Variants in CCNY observed in about 807,000 individuals in gnomAD.
The protein encoded by CCNY is cyclin Y.
In CCNY, 19 loss-of-function variants were observed where a neutral mutation model predicts 42.8. The ratio of observed to expected loss-of-function variants is 0.44; its 90% confidence interval spans 0.31 to 0.65. The LOEUF (loss-of-function observed/expected upper bound fraction) is 0.65. Ranked by LOEUF, CCNY falls within the 30% of genes least tolerant of loss-of-function variation. The pLI is 0.07. For synonymous variants in CCNY, 165 were observed against 162.7 expected, an observed-to-expected ratio of 1.01 and a Z score of -0.11; for missense variants, 370 against 437.3, an observed-to-expected ratio of 0.85 and a Z score of 1.37.
intron 3 of CCNY, among the ~76,000 whole-genome samples, chr10:35,296,059 A>G (rs969008822): frequency 7.9e-5 from 12 of 152,204 alleles, no homozygotes; most frequent in Non-Finnish European, 1.5e-5. Context: ...ATAGCACTAA[A>G]CGTCCACATC....
At chr10:35,335,632 TC>T (rs974384405), upstream of CCNY, among the ~76,000 whole-genome samples, 2 of 151,848 alleles carry the variant, frequency 1.3e-5, no homozygotes, top group African/African-American at 2.4e-5. Flanking sequence ...ACGGGAGGAT[TC>T]CTTGAAGACA....
Position 35,328,115 on chromosome 10 carries a change from A to G in CCNY, c.-9+77489A>G, listed in dbSNP as rs1835900046. Among the ~76,000 whole-genome samples, 3 of 152,230 alleles carry G rather than the reference A, an allele frequency of 2.0e-5. No individual in the cohort carries two copies. In the South Asian group the frequency reaches 6.2e-4, roughly 31 times the overall value. ...CAAAGACAAAATGAGATTTTAAGGC[A>G]TCAGTCCCAAAGGGATAATAAACTG... is the stretch of plus-strand genomic sequence containing the variant. On this transcript the variant is annotated intron_variant, in intron 3 of 11. Coordinates refer to the CCNY transcript ENST00000374706.
At position 35,261,519 on chromosome 10, in the gene CCNY, T is replaced by G. The variant is rs1429124850; in HGVS notation, c.-9+10893T>G. The stretch of plus-strand genomic sequence containing the variant: ...TCCCAAAGTGCTGAGATTACAGGCA[T>G]GAGCCACCACACCTGGCCTACAAAA... On this transcript the variant is annotated intron_variant, in intron 3 of 11. Coordinates refer to the CCNY transcript ENST00000374706. Among the ~76,000 whole-genome samples the G allele has an allele frequency of 2.6e-5, 4 of 151,798 alleles. No individual in the cohort carries two copies. The East Asian group carries it at 5.9e-4, about 22-fold the overall frequency.
intron 7 of CCNY, among the ~76,000 whole-genome samples, chr10:35,535,909 T>C (rs1161205536): frequency 2.6e-5 from 4 of 152,178 alleles, no homozygotes; most frequent in South Asian, 4.1e-4. Flanking sequence ...ATGCTGAGGG[T>C]CACTGCACTT....
At chr10:35,491,471 T>C (rs540237341) in intron 2 of CCNY, among the ~76,000 whole-genome samples, 4 of 152,268 alleles carry the variant, frequency 2.6e-5, no homozygotes, top group Non-Finnish European at 4.4e-5. Flanking sequence ...GTCCTGCCAG[T>C]GTAAGCATGT....
At chr10:35,260,893 T>C (rs1376045882) in intron 3 of CCNY, among the ~76,000 whole-genome samples, 2 of 152,122 alleles carry the variant, frequency 1.3e-5, no homozygotes, top group East Asian at 3.9e-4. Context: ...GGAAGATTGC[T>C]CAAAGCCAGA....
At chr10:35,448,213 A>G (rs866389691) in intron 1 of CCNY, among the ~76,000 whole-genome samples, 6 of 152,134 alleles carry the variant, frequency 3.9e-5, no homozygotes, top group East Asian at 1.9e-4. Flanking sequence ...TCAACAAGTA[A>G]TGGCCAAGTA....
chr10:35,394,832 A>G (rs1056359875), intron 1 of CCNY: 7 of 985,146 alleles, frequency 7.1e-6, no homozygotes, highest in Non-Finnish European at 8.4e-6. Flanking sequence ...CCAGTGGCTG[A>G]AAGCAGGAGA....
intron 3 of CCNY, among the ~76,000 whole-genome samples, chr10:35,267,803 G>A (rs550378303): frequency 1.7e-4 from 26 of 152,232 alleles, no homozygotes; most frequent in Admixed American, 7.9e-4. Flanking sequence ...GCTGAGCGGT[G>A]GAATAAAGTC....
At chr10:35,430,624 G>A (rs1838370496) in intron 1 of CCNY, among the ~76,000 whole-genome samples, 1 of 152,086 alleles carries the variant, frequency 6.6e-6, no homozygotes, top group Non-Finnish European at 1.5e-5. Flanking sequence ...AACAAAAGAG[G>A]ATTGAGGGTG....
At chr10:35,441,676 A>G (rs1408733182) in intron 1 of CCNY, among the ~76,000 whole-genome samples, 5 of 152,164 alleles carry the variant, frequency 3.3e-5, no homozygotes, top group Non-Finnish European at 1.5e-5. Context: ...TGAGCCCAGA[A>G]GACGGAGGTT....
chr10:35,350,253 C>T (rs1452500778), intron 1 of CCNY, among the ~76,000 whole-genome samples: 1 of 152,112 alleles, frequency 6.6e-6, no homozygotes, highest in African/African-American at 2.4e-5. Flanking sequence ...ATTTTTTGCC[C>T]TTATTCCTTT....
intron 3 of CCNY, among the ~76,000 whole-genome samples, chr10:35,268,653 G>C (rs983237245): frequency 2.0e-5 from 3 of 152,332 alleles, no homozygotes; most frequent in Admixed American, 2.0e-4. Flanking sequence ...CTGGCCCCAA[G>C]GCTCTCTGAG....
At chr10:35,468,686 C>T (rs948844442) in intron 1 of CCNY, among the ~76,000 whole-genome samples, 10 of 152,070 alleles carry the variant, frequency 6.6e-5, no homozygotes, top group Non-Finnish European at 1.0e-4. Context: ...AGCCTGTCAT[C>T]GGAGGACATA....
intron 3 of CCNY, among the ~76,000 whole-genome samples, chr10:35,511,205 G>T (rs1332776967): frequency 6.6e-6 from 1 of 152,194 alleles, no homozygotes; most frequent in Non-Finnish European, 1.5e-5. Flanking sequence ...CCACAGTTGG[G>T]GGCAGTGAGC....
chr10:35,289,648 C>T (rs979758574), intron 3 of CCNY, among the ~76,000 whole-genome samples: 9 of 151,952 alleles, frequency 5.9e-5, no homozygotes, highest in South Asian at 2.1e-4. Flanking sequence ...TCAAGGCAGG[C>T]GGATCACCTG....
intron 1 of CCNY, among the ~76,000 whole-genome samples, chr10:35,393,647 G>A (rs1837461819): frequency 6.6e-6 from 1 of 152,164 alleles, no homozygotes; most frequent in African/African-American, 2.4e-5. Flanking sequence ...TGAAGAGGCA[G>A]CTCACTAGGT....
At chr10:35,535,128 T>C (rs1840858167) in intron 7 of CCNY, among the ~76,000 whole-genome samples, 1 of 151,182 alleles carries the variant, frequency 6.6e-6, no homozygotes, top group African/African-American at 2.4e-5. Context: ...GACAAAAGAA[T>C]GTATTTGGAA....
At chr10:35,535,899 A>C (rs1840877138) in intron 7 of CCNY, among the ~76,000 whole-genome samples, 1 of 152,164 alleles carries the variant, frequency 6.6e-6, no homozygotes, top group Non-Finnish European at 1.5e-5. Context: ...CCTTCCACAG[A>C]TGCTGAGGGT....
Sources: allele counts gnomAD v4.1 joint callset (sites outside exome capture counted in the v4.1 genomes callset), GRCh38; gene constraint gnomAD v4.1.1; transcripts MANE v1.5; gene names NCBI Gene and HGNC (gene_info 2026-07-23, HGNC 2026-07-21).